The following ARID1B variants were observed in gnomAD, a reference collection of about 807,000 sequenced individuals.
ARID1B encodes the protein AT-rich interactive domain-containing protein 1B.
A neutral mutation model predicts 212.3 loss-of-function variants in ARID1B; 30 were observed. The ratio of observed to expected loss-of-function variants is 0.14; its 90% confidence interval spans 0.11 to 0.19. ARID1B has a LOEUF of 0.19. ARID1B is among the 10% of genes least tolerant of loss of function. The pLI, the probability that ARID1B is intolerant of heterozygous loss-of-function variation, is 1.00. For synonymous variants in ARID1B, 1,402 were observed against 1,301.7 expected, an observed-to-expected ratio of 1.08 and a Z score of -1.66; for missense variants, 2,891 against 3,204.0, an observed-to-expected ratio of 0.90 and a Z score of 2.36.
intron 2 of ARID1B, among the ~76,000 whole-genome samples, chr6:156,869,393 T>C (rs552770533): frequency 6.6e-6 from 1 of 152,342 alleles, no homozygotes; most frequent in East Asian, 1.9e-4. Flanking sequence ...GAAATTTGCA[T>C]GTGAATTTTT....
chr6:157,190,268 G>T lies in ARID1B; in HGVS notation c.4231+58G>T, dbSNP rs777034078. On this transcript the variant is annotated intron_variant, in intron 15 of 19. Transcript: ENST00000636930. This position sits in a 1 kb window ranked among gnomAD's most constrained non-coding sequence, Gnocchi z 4.6. ...ACCAGTGGGCATTCTACTCTCTGCCGTTCCACAACAGTTCACCTTTCACTC... is the reference window on the plus strand; with the variant it reads ...ACCAGTGGGCATTCTACTCTCTGCCTTTCCACAACAGTTCACCTTTCACTC... 21 of 1,529,812 alleles carry T rather than the reference G, an allele frequency of 1.4e-5. No homozygotes were observed. The East Asian group carries it at 4.5e-4, about 33-fold the overall frequency. The allele number at this position is 1,529,812 out of a possible 1,614,324, so 94.8% of individuals were successfully genotyped here. A position where few individuals can be genotyped will look rare whatever the true frequency, so the allele number is the denominator to read the frequency against.
At chr6:157,042,107 C>T (rs1397545784) in intron 4 of ARID1B, among the ~76,000 whole-genome samples, 2 of 152,146 alleles carry the variant, frequency 1.3e-5, no homozygotes, top group Non-Finnish European at 2.9e-5. Context: ...CTACATAAGC[C>T]GCTAATACCC....
At chr6:156,871,940 A>T (rs1786167437) in intron 2 of ARID1B, among the ~76,000 whole-genome samples, 1 of 152,208 alleles carries the variant, frequency 6.6e-6, no homozygotes, top group African/African-American at 2.4e-5. Context: ...TGTATACTTA[A>T]TTGAAGACTT....
intron 3 of ARID1B, among the ~76,000 whole-genome samples, chr6:156,905,878 A>T (rs1354140186): frequency 6.6e-6 from 1 of 152,094 alleles, no homozygotes; most frequent in Non-Finnish European, 1.5e-5. Flanking sequence ...TTATAATGGG[A>T]TCTTCTGTGA....
At chr6:157,098,921 T>C (rs531513640) in intron 5 of ARID1B, among the ~76,000 whole-genome samples, 1 of 152,358 alleles carries the variant, frequency 6.6e-6, no homozygotes, top group East Asian at 1.9e-4. Context: ...CTCATTTTAA[T>C]GCGGAGAATC....
At chr6:157,033,629 G>A (rs991303083) in intron 4 of ARID1B, among the ~76,000 whole-genome samples, 6 of 152,166 alleles carry the variant, frequency 3.9e-5, no homozygotes, top group Non-Finnish European at 5.9e-5. Context: ...TTTGGTGGAG[G>A]TGGGCCGTAG....
At chr6:156,930,256 G>A (rs990958431) in intron 3 of ARID1B, among the ~76,000 whole-genome samples, 2 of 152,120 alleles carry the variant, frequency 1.3e-5, no homozygotes, top group African/African-American at 4.8e-5. Context: ...TGCTGTTCTC[G>A]TGATAGTGAG....
intron 2 of ARID1B, among the ~76,000 whole-genome samples, chr6:156,875,309 C>G (rs1466694285): frequency 6.6e-6 from 1 of 152,238 alleles, no homozygotes; most frequent in African/African-American, 2.4e-5. Context: ...CAGAGCTTTA[C>G]AAATCACTCA....
rs1344215061 is a variant in ARID1B, at chr6:157,196,226, C to T, written c.4293C>T (p.Asp1431=). 1.2e-6 allele frequency: 2 copies of T among 1,613,824 alleles called. No individual in the cohort carries two copies. Among genetic ancestry groups the T allele is most frequent in the South Asian group, 1.1e-5 (1 of 90,972 alleles). Residue 1431 remains aspartate, a synonymous_variant, in exon 16 of 20, where the codon GAC becomes GAT. Transcript: ENST00000636930. The part of the protein sequence containing the change: ...QGQMPNSSMQ[D]MYNQSPSGAM... ...AGATGCCCAACAGCAGCATGCAGGA[C>T]ATGTACAACCAAAGTCCCTCCGGAG...
At chr6:156,849,793 C>T (rs1784463732) in intron 2 of ARID1B, among the ~76,000 whole-genome samples, 1 of 151,972 alleles carries the variant, frequency 6.6e-6, no homozygotes, top group Non-Finnish European at 1.5e-5. Flanking sequence ...CCAATTGTCA[C>T]AGTTTGGGTG....
chr6:156,885,182 G>T lies in ARID1B; in HGVS notation c.1987-16194G>T, dbSNP rs575467963. On this transcript the variant is annotated intron_variant, in intron 2 of 19. Coordinates refer to ENST00000636930, the MANE Select transcript of ARID1B (RefSeq NM_001374828.1). ...TATTTTAGCCCAGTTATCCTTATATGTCACTGGATTTTGGAGGGTTCTGTC... is the reference window on the plus strand; with the variant it reads ...TATTTTAGCCCAGTTATCCTTATATTTCACTGGATTTTGGAGGGTTCTGTC... Among the ~76,000 whole-genome samples the T allele has an allele frequency of 2.0e-5, 3 of 152,122 alleles. No homozygotes were observed. The East Asian group carries it at 5.8e-4, about 29-fold the overall frequency.
At chr6:156,986,405 C>T (rs773167876) in intron 4 of ARID1B, among the ~76,000 whole-genome samples, 1 of 152,160 alleles carries the variant, frequency 6.6e-6, no homozygotes, top group Non-Finnish European at 1.5e-5. Flanking sequence ...CAAAGTTTGT[C>T]TAATTATTTT....
intron 2 of ARID1B, among the ~76,000 whole-genome samples, chr6:156,894,306 C>CGGGGGGG (rs1167132030): frequency 4.2e-5 from 1 of 23,636 alleles, no homozygotes; most frequent in Admixed American, 3.7e-4. Flanking sequence ...GGATGGGGGC[C>CGGGGGGG]GGGGGTTGGG....
intron 7 of ARID1B, among the ~76,000 whole-genome samples, chr6:157,139,053 TAAC>T (rs1372078973): frequency 6.6e-6 from 1 of 152,096 alleles, no homozygotes; most frequent in Admixed American, 6.5e-5. Flanking sequence ...ATCATGATCT[TAAC>T]AAAACCTGGG....
At chr6:156,990,529 C>G (rs1361662662) in intron 4 of ARID1B, among the ~76,000 whole-genome samples, 3 of 151,994 alleles carry the variant, frequency 2.0e-5, no homozygotes, top group Admixed American at 1.3e-4. Flanking sequence ...TAATCCCAGC[C>G]ACTCGGGAGG....
chr6:157,131,318 CAA>C (rs2128579958), intron 6 of ARID1B, among the ~76,000 whole-genome samples: 1 of 152,030 alleles, frequency 6.6e-6, no homozygotes, highest in African/African-American at 2.4e-5. Context: ...ATAAGTGAGT[CAA>C]AATAAAATAA....
intron 4 of ARID1B, among the ~76,000 whole-genome samples, chr6:157,035,908 G>A (rs1333892254): frequency 1.3e-5 from 2 of 152,172 alleles, no homozygotes; most frequent in African/African-American, 4.8e-5. Context: ...CTGTCCACAA[G>A]GGAAGAATAC....
At chr6:156,882,769 C>T (rs1259111735) in intron 2 of ARID1B, among the ~76,000 whole-genome samples, 1 of 152,150 alleles carries the variant, frequency 6.6e-6, no homozygotes, top group Non-Finnish European at 1.5e-5. Flanking sequence ...TAACGTCTTG[C>T]TATTGTCGTG....
chr6:157,045,223 G>C (rs1012758839), intron 4 of ARID1B, among the ~76,000 whole-genome samples: 1 of 152,180 alleles, frequency 6.6e-6, no homozygotes, highest in Non-Finnish European at 1.5e-5. Context: ...AGTGACATTT[G>C]TGATGGGTCA....
Sources: gnomAD v4.1 joint callset for allele counts (sites outside exome capture counted in the v4.1 genomes callset) on GRCh38, gnomAD v4.1.1 for gene constraint, Gnocchi (gnomAD v3.1) non-coding constraint, MANE v1.5 for transcripts, NCBI Gene and HGNC (gene_info 2026-07-23, HGNC 2026-07-21) for gene names.